RALYL: variants seen among roughly 807,000 people sequenced by gnomAD.
RALYL encodes the protein RNA-binding Raly-like protein.
Under a neutral mutation model 35.1 loss-of-function variants are expected in RALYL, and 29 were observed. That is an observed-to-expected ratio of 0.83 (90% CI 0.61 to 1.13). RALYL has a LOEUF of 1.13. Ranked by LOEUF, RALYL falls within the 50% of genes most tolerant of loss-of-function variation. RALYL has a pLI of 0.00. For missense variants in RALYL, 359 were observed against 360.4 expected, an observed-to-expected ratio of 1.00 and a Z score of 0.03; for synonymous variants, 120 against 127.6, an observed-to-expected ratio of 0.94 and a Z score of 0.40.
In RALYL at chr8:84,365,505, A is replaced by G. The variant is rs953090652; in HGVS notation, c.-23-163794A>G. On this transcript the variant is annotated intron_variant, in intron 1 of 8. Coordinates refer to ENST00000521268, the MANE Select transcript of RALYL (RefSeq NM_173848.7). ...TGTTCGTAATTATAACTCAATTTAT[A>G]TAATAAAAGGATAAAAATGAACAAC... is the stretch of plus-strand genomic sequence containing the variant. Among the ~76,000 whole-genome samples, 57 of 152,228 alleles carry G rather than the reference A, an allele frequency of 3.7e-4. 1 individual carries two copies. The highest frequency in any genetic ancestry group is 6.5e-5 in the Admixed American group (1 of 15,280).
intron 8 of RALYL, among the ~76,000 whole-genome samples, chr8:84,895,764 G>A (rs539486180): frequency 2.0e-5 from 3 of 152,134 alleles, no homozygotes; most frequent in Non-Finnish European, 2.9e-5. Flanking sequence ...CGCCCACCTC[G>A]GCCTCCCAAA....
At chr8:84,704,832 G>A (rs1840902059) in intron 2 of RALYL, among the ~76,000 whole-genome samples, 1 of 152,116 alleles carries the variant, frequency 6.6e-6, no homozygotes, top group Non-Finnish European at 1.5e-5. Context: ...CCTTTACACT[G>A]AAACAATGCT....
chr8:84,499,804 C>G (rs2056471445), intron 1 of RALYL, among the ~76,000 whole-genome samples: 1 of 152,102 alleles, frequency 6.6e-6, no homozygotes, highest in African/African-American at 2.4e-5. Flanking sequence ...ACCAAGTCTG[C>G]AGTGCAGTGG....
chr8:84,737,090 T>C (rs530352085), intron 2 of RALYL, among the ~76,000 whole-genome samples: 1 of 152,160 alleles, frequency 6.6e-6, no homozygotes, highest in Admixed American at 6.6e-5. Context: ...AACAACTCTA[T>C]CTATTAAGAG....
chr8:84,865,251 T>C (rs1326002498), intron 6 of RALYL, among the ~76,000 whole-genome samples: 1 of 152,278 alleles, frequency 6.6e-6, no homozygotes, highest in South Asian at 2.1e-4. Flanking sequence ...AAATTTAAAA[T>C]ATACTATGTT....
chr8:84,620,289 A>T (rs28816830), intron 2 of RALYL, among the ~76,000 whole-genome samples: 1 of 150,756 alleles, frequency 6.6e-6, no homozygotes, highest in Non-Finnish European at 1.5e-5. Flanking sequence ...GGCTTTGCTC[A>T]TTTCTTTTTA....
At chr8:84,226,230 T>G (rs1023702944) in intron 1 of RALYL, among the ~76,000 whole-genome samples, 1 of 152,148 alleles carries the variant, frequency 6.6e-6, no homozygotes, top group Non-Finnish European at 1.5e-5. Flanking sequence ...TGCCTGATGA[T>G]CTGAGGTGGA....
chr8:84,775,154 C>A (rs541680325), intron 3 of RALYL, among the ~76,000 whole-genome samples: 1 of 152,132 alleles, frequency 6.6e-6, no homozygotes, highest in South Asian at 2.1e-4. Flanking sequence ...CACGGTTTCA[C>A]CATGTTGGCC....
intron 1 of RALYL, among the ~76,000 whole-genome samples, chr8:84,527,631 C>A (rs1007424239): frequency 1.3e-5 from 2 of 152,042 alleles, no homozygotes; most frequent in African/African-American, 4.8e-5. Flanking sequence ...CTTGATTTTT[C>A]TTGTTTCATT....
rs1313679935 is a variant in RALYL, at chr8:84,183,942, C to CT, written c.-501dup. The CT allele has an allele frequency of 6.6e-6, 1 of 152,194 alleles. No individual in the cohort carries two copies. The highest frequency in any genetic ancestry group is 1.5e-5 in the Non-Finnish European group (1 of 67,994). The allele number at this position is 152,194 out of a possible 1,614,324, so 9.4% of individuals were successfully genotyped here. A position where few individuals can be genotyped will look rare whatever the true frequency, so the allele number is the denominator to read the frequency against. Reference sequence around the variant, plus strand: ...GTTTCTAACTCTTTTTTTGCATACTCTTTTTCTGATAACATTTTTGTATAG... The same window carrying CT: ...GTTTCTAACTCTTTTTTTGCATACTCTTTTTTCTGATAACATTTTTGTATAG... On this transcript the variant is annotated 5_prime_UTR_variant, in exon 1 of 9. It introduces an in-frame stop codon into an upstream open reading frame of the 5' UTR. Coordinates refer to ENST00000521268, the MANE Select transcript of RALYL (RefSeq NM_173848.7).
chr8:84,428,565 T>C (rs1413639859), intron 1 of RALYL, among the ~76,000 whole-genome samples: 1 of 152,208 alleles, frequency 6.6e-6, no homozygotes, highest in Non-Finnish European at 1.5e-5. Context: ...TTTCTCTCTT[T>C]CCTTTACCCT....
chr8:84,250,841 C>G (rs934118528), intron 1 of RALYL, among the ~76,000 whole-genome samples: 5 of 152,012 alleles, frequency 3.3e-5, no homozygotes, highest in African/African-American at 1.2e-4. Context: ...GAGAACCAAA[C>G]AGCCCCATTT....
intron 3 of RALYL, among the ~76,000 whole-genome samples, chr8:84,782,303 C>G (rs1446640924): frequency 7.2e-5 from 11 of 152,132 alleles, no homozygotes; most frequent in Admixed American, 4.6e-4. Context: ...TTGGCTTATC[C>G]ACTCAGCTTC....
intron 1 of RALYL, among the ~76,000 whole-genome samples, chr8:84,307,697 A>C (rs1361554849): frequency 6.6e-6 from 1 of 152,188 alleles, no homozygotes; most frequent in Non-Finnish European, 1.5e-5. Context: ...AATGGGGAAG[A>C]AAGAGGAGCA....
At chr8:84,253,244 C>CAGTG (rs1379884648) in intron 1 of RALYL, among the ~76,000 whole-genome samples, 3 of 119,840 alleles carry the variant, frequency 2.5e-5, no homozygotes, top group Non-Finnish European at 4.8e-5. Context: ...GGCTGGAATG[C>CAGTG]AGTGGTGCGA....
intron 2 of RALYL, among the ~76,000 whole-genome samples, chr8:84,601,492 G>T (rs116314115): frequency 6.6e-6 from 1 of 151,992 alleles, no homozygotes; most frequent in Non-Finnish European, 1.5e-5. Context: ...AGTTTCTGCC[G>T]GGAAGCCTAC....
At chr8:84,353,199 C>CA (rs1851233566) in intron 1 of RALYL, among the ~76,000 whole-genome samples, 1 of 150,074 alleles carries the variant, frequency 6.7e-6, no homozygotes, top group Non-Finnish European at 1.5e-5. Context: ...ATGTCCCGGA[C>CA]TGTTTCGAGG....
intron 1 of RALYL, among the ~76,000 whole-genome samples, chr8:84,189,694 A>G (rs1813392726): frequency 6.6e-6 from 1 of 151,118 alleles, no homozygotes. Context: ...TTTTTCCTAC[A>G]CAGATATGCT....
At position 84,907,310 on chromosome 8, in the gene RALYL, TCACACACACACACAC is replaced by T. The variant is rs1253807566; in HGVS notation, c.859-13583_859-13569del. Among the ~76,000 whole-genome samples, 1,016 of 148,148 alleles carry T rather than the reference TCACACACACACACAC, an allele frequency of 6.9e-3. 11 individuals are homozygous for T. The highest frequency in any genetic ancestry group is 0.024 in the African/African-American group (942 of 40,062). On this transcript the variant is annotated intron_variant, in intron 8 of 8. Transcript: ENST00000521268. ...AAATCTGAGAAAATAAGATATAGCG[TCACACACACACACAC>T]ACACACACACACACACACACACACA... is the stretch of plus-strand genomic sequence containing the variant.
Sources: gnomAD v4.1 joint callset for allele counts (sites outside exome capture counted in the v4.1 genomes callset) on GRCh38, gnomAD v4.1.1 for gene constraint, MANE v1.5 for transcripts, NCBI Gene and HGNC (gene_info 2026-07-23, HGNC 2026-07-21) for gene names.